Variants in GFRA3 observed in about 807,000 individuals in gnomAD.
GFRA3 encodes the protein GDNF family receptor alpha-3.
Under a neutral mutation model 40.0 loss-of-function variants are expected in GFRA3, and 24 were observed. The ratio of observed to expected loss-of-function variants is 0.60; its 90% CI spans 0.43 to 0.84. The LOEUF (loss-of-function observed/expected upper bound fraction) is 0.84. GFRA3 is among the 40% of genes least tolerant of loss of function. The pLI is 0.00. For missense variants in GFRA3, 405 were observed against 530.6 expected, an observed-to-expected ratio of 0.76 and a Z score of 2.33; for synonymous variants, 203 against 213.5, an observed-to-expected ratio of 0.95 and a Z score of 0.43.
chr5:138,270,696 C>T, intron 1 of GFRA3, among the ~76,000 whole-genome samples: 1 of 151,932 alleles, frequency 6.6e-6, no homozygotes, highest in Non-Finnish European at 1.5e-5. Context: ...CCTGTATGTA[C>T]CCCAATAACC....
intron 6 of GFRA3, 82 bp downstream of exon 6, chr5:138,253,684 G>T: frequency 7.5e-7 from 1 of 1,325,864 alleles, no homozygotes; most frequent in Non-Finnish European, 1.1e-6. Flanking sequence ...GAACCAGCCT[G>T]GGCCACAGAG....
intron 4 of GFRA3, among the ~76,000 whole-genome samples, chr5:138,255,833 G>C (rs957994551): frequency 2.6e-5 from 4 of 151,272 alleles, no homozygotes; most frequent in African/African-American, 7.3e-5. Flanking sequence ...CCAGGAGATA[G>C]AGGTTGCAGT....
chr5:138,262,028 G>A (rs1397431423), intron 2 of GFRA3, among the ~76,000 whole-genome samples: 19 of 152,132 alleles, frequency 1.2e-4, no homozygotes, highest in Admixed American at 1.2e-3. Flanking sequence ...TTGTGGGAAA[G>A]GCCACAGGCA....
At position 138,274,438 on chromosome 5, in the gene GFRA3, C is replaced by T. The variant is rs1167639792; in HGVS notation, c.-14G>A. The T allele has an allele frequency of 2.6e-5, 34 of 1,292,078 alleles. No individual in the cohort carries two copies. In the East Asian group the frequency reaches 1.1e-3, roughly 40 times the overall value. The allele number at this position is 1,292,078 out of a possible 1,614,324, so 80.0% of individuals were successfully genotyped here. On this transcript the variant is annotated 5_prime_UTR_variant, in exon 1 of 8. Coordinates refer to ENST00000274721, the MANE Select transcript of GFRA3 (RefSeq NM_001496.4). ...GGGGCGCACCATGGCGAGCTGTAGG[C>T]GCCGGGCTCCGCGCTCCCCTCGCTC...
In GFRA3 at chr5:138,257,698, C is replaced by T. The variant is rs776929389; in HGVS notation, c.726G>A (p.Pro242=). 2 of 1,609,900 alleles carry T rather than the reference C, an allele frequency of 1.2e-6. No individual in the cohort carries two copies. Among genetic ancestry groups the T allele is most frequent in the African/African-American group, 1.3e-5 (1 of 74,868 alleles). ...GCTCCAGGCAGTTGGGGGCCACAGG[C>T]GGCAGCGCGCAGTTGGGGGCGATGG... The part of the protein sequence containing the change: ...RNTIAPNCAL[P]PVAPNCLELR... Residue 242 remains proline (P), a synonymous_variant, in exon 4 of 8, where the codon CCG becomes CCA. Transcript: ENST00000274721.
intron 3 of GFRA3, 134 bp from the exon 4 acceptor site, chr5:138,258,085 A>G (rs1755658994): frequency 1.4e-6 from 1 of 721,722 alleles, no homozygotes. Flanking sequence ...CCTGTCATGA[A>G]TAAACCCACT....
intron 1 of GFRA3, chr5:138,267,668 T>C: frequency 5.2e-6 from 1 of 192,612 alleles, no homozygotes; most frequent in South Asian, 1.1e-4. Context: ...TTCCTTATCT[T>C]GGATGTTGGC....
At chr5:138,273,691 G>A (rs970281099) in intron 1 of GFRA3, among the ~76,000 whole-genome samples, 5 of 152,128 alleles carry the variant, frequency 3.3e-5, no homozygotes, top group Admixed American at 6.5e-5. Context: ...CGAAGGCCAT[G>A]GGCCTTCCAG....
At chr5:138,253,700 C>A (rs752275350) in intron 6 of GFRA3, 66 bp downstream of exon 6, 68 of 1,502,762 alleles carry the variant, frequency 4.5e-5, no homozygotes, top group Non-Finnish European at 6.0e-5. Flanking sequence ...CAGAGTCGAC[C>A]CTTTTCCTTC....
At chr5:138,269,239 T>C (rs545150331) in intron 1 of GFRA3, among the ~76,000 whole-genome samples, 7 of 151,864 alleles carry the variant, frequency 4.6e-5, no homozygotes, top group Non-Finnish European at 1.0e-4. Context: ...GGAGATTCCT[T>C]AAAGAGCTAA....
intron 1 of GFRA3, among the ~76,000 whole-genome samples, chr5:138,272,056 A>G (rs1217992007): frequency 7.0e-6 from 1 of 143,842 alleles, no homozygotes; most frequent in Non-Finnish European, 1.5e-5. Flanking sequence ...CCCAGGCTGG[A>G]GTGCAGTGGC....
rs1377062225 is a variant in GFRA3, at chr5:138,274,442, G to T, written c.-18C>A. 3 of 1,291,504 alleles carry T rather than the reference G, an allele frequency of 2.3e-6. No individual in the cohort carries two copies. Among genetic ancestry groups the T allele is most frequent in the Non-Finnish European group, 3.0e-6 (3 of 1,015,054 alleles). The allele number at this position is 1,291,504 out of a possible 1,614,324, so 80.0% of individuals were successfully genotyped here. A position where few individuals can be genotyped will look rare whatever the true frequency, so the allele number is the denominator to read the frequency against. ...CGCACCATGGCGAGCTGTAGGCGCC[G>T]GGCTCCGCGCTCCCCTCGCTCCTCC... On this transcript the variant is annotated 5_prime_UTR_variant, in exon 1 of 8. Coordinates refer to ENST00000274721, the MANE Select transcript of GFRA3 (RefSeq NM_001496.4).
chr5:138,260,602 C>G lies in GFRA3; in HGVS notation c.380-953G>C, dbSNP rs4835772. ...TGGCCAACATGGTGAAACCCCATCT[C>G]TACTAAAAATACAAAAATTAGTTGG... On this transcript the variant is annotated intron_variant, in intron 2 of 7. Transcript: ENST00000274721. Among the ~76,000 whole-genome samples the G allele has an allele frequency of 9.8e-3, 1,498 of 152,242 alleles. 5 individuals carry two copies. The highest frequency in any genetic ancestry group is 0.016 in the Admixed American group (246 of 15,276).
chr5:138,269,031 T>C (rs1755828361), intron 1 of GFRA3, among the ~76,000 whole-genome samples: 1 of 151,294 alleles, frequency 6.6e-6, no homozygotes. Context: ...AGCCAACATA[T>C]GAAAAATTGC....
intron 1 of GFRA3, among the ~76,000 whole-genome samples, chr5:138,268,934 A>G (rs1270486285): frequency 6.6e-6 from 1 of 151,632 alleles, no homozygotes; most frequent in East Asian, 1.9e-4. Context: ...CAAAAAAAAA[A>G]AAAAAGAAAA....
chr5:138,253,526 G>A (rs1755581273), intron 6 of GFRA3, 151 bp from the exon 7 acceptor site: 2 of 693,892 alleles, frequency 2.9e-6, no homozygotes, highest in East Asian at 2.7e-5. Context: ...CATTCTGCTT[G>A]TTTCTTGAGC....
intron 1 of GFRA3, among the ~76,000 whole-genome samples, chr5:138,270,661 AACTT>A (rs1393095086): frequency 2.6e-5 from 4 of 152,170 alleles, no homozygotes; most frequent in Non-Finnish European, 4.4e-5. Context: ...AGCACTAAAG[AACTT>A]ACTTATGTAA....
intron 2 of GFRA3, 37 bp from the exon 3 acceptor site, chr5:138,259,686 C>A: frequency 1.1e-6 from 1 of 897,270 alleles, no homozygotes. Flanking sequence ...ATGCTGAGGA[C>A]CAGGGTGGGG....
At chr5:138,262,095 C>T (rs1755719380) in intron 2 of GFRA3, among the ~76,000 whole-genome samples, 2 of 152,158 alleles carry the variant, frequency 1.3e-5, no homozygotes, top group Admixed American at 1.3e-4. Context: ...GAGAGTTGTA[C>T]TACAAAGAGC....
Sources: allele counts gnomAD v4.1 joint callset (sites outside exome capture counted in the v4.1 genomes callset), GRCh38; gene constraint gnomAD v4.1.1; transcripts MANE v1.5; gene names NCBI Gene and HGNC (gene_info 2026-07-23, HGNC 2026-07-21).